The following ST8SIA2 variants were observed in gnomAD, a reference collection of about 807,000 sequenced individuals.
ST8SIA2 encodes ST8 alpha-N-acetyl-neuraminide alpha-2,8-sialyltransferase 2, also known as alpha-2,8-sialyltransferase 8B.
A neutral mutation model predicts 37.6 loss-of-function variants in ST8SIA2; 22 were observed. The observed-to-expected ratio is 0.58, with a 90% CI of 0.42 to 0.83. The LOEUF is 0.83. ST8SIA2 is among the 40% of genes least tolerant of loss of function. The pLI is 0.00. For synonymous variants in ST8SIA2, 205 were observed against 201.2 expected, an observed-to-expected ratio of 1.02 and a Z score of -0.16; for missense variants, 382 against 484.7, an observed-to-expected ratio of 0.79 and a Z score of 1.99.
chr15:92,457,628 T>C (rs138655422), intron 5 of ST8SIA2, among the ~76,000 whole-genome samples: 12 of 152,298 alleles, frequency 7.9e-5, no homozygotes, highest in Admixed American at 7.2e-4. Context: ...AGGAAAGGAA[T>C]AGTCTTCAAG....
intron 5 of ST8SIA2, among the ~76,000 whole-genome samples, chr15:92,454,604 G>A (rs964369416): frequency 2.0e-5 from 3 of 151,818 alleles, no homozygotes; most frequent in East Asian, 1.9e-4. Context: ...AGTGAGTAGG[G>A]AGAGGGGAGC....
intron 5 of ST8SIA2, among the ~76,000 whole-genome samples, chr15:92,448,741 G>C (rs1337808673): frequency 6.6e-6 from 1 of 152,200 alleles, no homozygotes; most frequent in Non-Finnish European, 1.5e-5. Context: ...TCCAGAGGCT[G>C]GAGCCACAAG....
At chr15:92,421,695 C>T (rs1377560884) in intron 1 of ST8SIA2, among the ~76,000 whole-genome samples, 1 of 152,198 alleles carries the variant, frequency 6.6e-6, no homozygotes, top group Non-Finnish European at 1.5e-5. Flanking sequence ...TCTTAACGTG[C>T]TTCCTTGTAT....
chr15:92,438,166 G>T (rs1321295381), intron 3 of ST8SIA2, among the ~76,000 whole-genome samples, 187 bp from the exon 4 acceptor site: 2 of 152,210 alleles, frequency 1.3e-5, no homozygotes, highest in Non-Finnish European at 2.9e-5. Context: ...CACCGTAGTT[G>T]CTTCTGGGCC....
intron 5 of ST8SIA2, among the ~76,000 whole-genome samples, chr15:92,452,349 T>C (rs1005530790): frequency 6.6e-6 from 1 of 152,140 alleles, no homozygotes; most frequent in African/African-American, 2.4e-5. Context: ...CACAGCGTTA[T>C]GTTTGAGAAC....
At chr15:92,445,029 C>G (rs774991610) in intron 5 of ST8SIA2, 100 bp downstream of exon 5, 146 of 1,538,240 alleles carry the variant, frequency 9.5e-5, no homozygotes, top group Non-Finnish European at 1.3e-4. Flanking sequence ...CCCAGCTCCA[C>G]CACTCATTTG....
intron 1 of ST8SIA2, among the ~76,000 whole-genome samples, chr15:92,397,874 T>C (rs997929101): frequency 6.6e-6 from 1 of 152,330 alleles, no homozygotes; most frequent in Non-Finnish European, 1.5e-5. Flanking sequence ...GGCTCACGCC[T>C]GTAATCCCAA....
chr15:92,458,877 T>C (rs1165140945), intron 5 of ST8SIA2, among the ~76,000 whole-genome samples: 2 of 152,184 alleles, frequency 1.3e-5, no homozygotes, highest in Admixed American at 1.3e-4. Context: ...ACAAAGCTGA[T>C]GGTAATCATC....
intron 4 of ST8SIA2, among the ~76,000 whole-genome samples, chr15:92,444,359 CT>C (rs2049824948): frequency 6.6e-6 from 1 of 152,212 alleles, no homozygotes; most frequent in Non-Finnish European, 1.5e-5. Context: ...TTACTTGCTT[CT>C]TTCCTCCTCT....
intron 5 of ST8SIA2, among the ~76,000 whole-genome samples, chr15:92,460,591 C>T (rs2049950553): frequency 6.6e-6 from 1 of 152,176 alleles, no homozygotes; most frequent in Non-Finnish European, 1.5e-5. Context: ...TAGATGCTGC[C>T]GAGGTGGTCT....
chr15:92,455,905 C>A (rs958380885), intron 5 of ST8SIA2, among the ~76,000 whole-genome samples: 3 of 152,248 alleles, frequency 2.0e-5, no homozygotes, highest in Non-Finnish European at 4.4e-5. Context: ...TTTCTCTTAA[C>A]CTCACCAATG....
At chr15:92,397,098 T>C (rs897652064) in intron 1 of ST8SIA2, among the ~76,000 whole-genome samples, 1 of 152,150 alleles carries the variant, frequency 6.6e-6, no homozygotes, top group African/African-American at 2.4e-5. Context: ...TGGAAAGTAA[T>C]GAACAGTGGG....
chr15:92,450,384 C>T (rs1039352432), intron 5 of ST8SIA2, among the ~76,000 whole-genome samples: 30 of 152,154 alleles, frequency 2.0e-4, no homozygotes, highest in Admixed American at 1.4e-3. Context: ...AAATTAAATA[C>T]ATGAATGTAT....
At position 92,404,030 on chromosome 15, in the gene ST8SIA2, A is replaced by G. The variant is rs765660744; in HGVS notation, c.98+9868A>G. Among the ~76,000 whole-genome samples the G allele has an allele frequency of 2.0e-5, 3 of 152,230 alleles. No individual in the cohort carries two copies. The South Asian group carries it at 6.2e-4, about 31-fold the overall frequency. On this transcript the variant is annotated intron_variant, in intron 1 of 5. Transcript: ENST00000268164. ...TGGTAGTAAAGCCAGTTAAGGCTCC[A>G]CAGGCCCTTCCCCAACCTGCCAGAA...
At chr15:92,445,243 T>C (rs891933492) in intron 5 of ST8SIA2, 4 of 476,932 alleles carry the variant, frequency 8.4e-6, no homozygotes, top group Non-Finnish European at 1.2e-5. Flanking sequence ...GGAGGAGAGA[T>C]GGCGGCTGGC....
At chr15:92,448,164 C>T (rs1029774470) in intron 5 of ST8SIA2, among the ~76,000 whole-genome samples, 17 of 152,196 alleles carry the variant, frequency 1.1e-4, no homozygotes, top group Admixed American at 3.9e-4. Flanking sequence ...GAGACTGCAA[C>T]ATCTTCAGCT....
intron 5 of ST8SIA2, among the ~76,000 whole-genome samples, chr15:92,458,597 C>T (rs903076559): frequency 3.0e-4 from 46 of 152,184 alleles, no homozygotes; most frequent in African/African-American, 9.4e-4. Flanking sequence ...TCACTTCTTC[C>T]GCAGTCATAG....
At position 92,394,099 on chromosome 15, in the gene ST8SIA2, C is replaced by T. The variant is rs2049411247; in HGVS notation, c.35C>T (p.Ala12Val). Reference protein sequence around the residue: ...QLQFRSWMLAALTLLVVFLIF... With the variant: ...QLQFRSWMLAVLTLLVVFLIF... ...CAGTTCCGGAGCTGGATGCTGGCCGCGCTCACGCTGCTCGTGGTCTTCCTC... is the reference window on the plus strand; with the variant it reads ...CAGTTCCGGAGCTGGATGCTGGCCGTGCTCACGCTGCTCGTGGTCTTCCTC... The change falls in exon 1 of 6, where the codon GCG becomes GTG. Residue 12 changes from alanine (A) to valine (V), a missense_variant. Transcript: ENST00000268164. 1.9e-6 allele frequency: 3 copies of T among 1,558,064 alleles called. No individual in the cohort carries two copies. The highest frequency in any genetic ancestry group is 1.7e-6 in the Non-Finnish European group (2 of 1,150,134).
At position 92,394,606 on chromosome 15, in the gene ST8SIA2, C is replaced by T. The variant is rs192224395; in HGVS notation, c.98+444C>T. Among the ~76,000 whole-genome samples, 417 of 152,144 alleles carry T rather than the reference C, an allele frequency of 2.7e-3. 5 individuals are homozygous for T. Among genetic ancestry groups the T allele is most frequent in the Middle Eastern group, 0.01 (3 of 292 alleles). On this transcript the variant is annotated intron_variant, in intron 1 of 5. Transcript: ENST00000268164. ...GTGGGCAGGGGGCGCGCAGGGATCT[C>T]TGAGCTGGGGGAGGGGTTCCTGGGG...
Sources: allele counts gnomAD v4.1 joint callset (sites outside exome capture counted in the v4.1 genomes callset), GRCh38; gene constraint gnomAD v4.1.1; transcripts MANE v1.5; gene names NCBI Gene and HGNC (gene_info 2026-07-23, HGNC 2026-07-21).